Variants in LMO7 observed in about 807,000 individuals in gnomAD.
The protein encoded by LMO7 is LIM domain 7, also known as LIM domain only protein 7.
Under a neutral mutation model 206.5 loss-of-function variants are expected in LMO7, and 120 were observed. The observed-to-expected ratio is 0.58, with a 90% confidence interval of 0.50 to 0.68. The LOEUF (loss-of-function observed/expected upper bound fraction) is 0.68, where lower values mean the gene tolerates loss of function less well. Ranked by LOEUF, LMO7 falls within the 30% of genes least tolerant of loss-of-function variation. The probability of loss-of-function intolerance (pLI) is 0.00; values close to 1 mark genes in which losing one functional copy is unlikely to be tolerated. For synonymous variants in LMO7, 706 were observed against 681.5 expected, an observed-to-expected ratio of 1.04 and a Z score of -0.56; for missense variants, 1,959 against 1,957.9, an observed-to-expected ratio of 1.00 and a Z score of -0.01.
intron 1 of LMO7, among the ~76,000 whole-genome samples, chr13:75,652,912 ATAAAC>A: frequency 6.6e-6 from 1 of 152,164 alleles, no homozygotes; most frequent in Non-Finnish European, 1.5e-5. Context: ...CATAAGAAAG[ATAAAC>A]TAAACCACAG....
At chr13:75,670,944 C>CT (rs950573992) in intron 1 of LMO7, among the ~76,000 whole-genome samples, 17 of 116,906 alleles carry the variant, frequency 1.5e-4, no homozygotes, top group Admixed American at 8.3e-4. Flanking sequence ...TATTCTATAC[C>CT]TTTTTTTTTT....
chr13:75,713,281 T>C lies in LMO7; in HGVS notation c.140+29T>C, dbSNP rs760894622. 3 of 1,539,512 alleles carry C rather than the reference T, an allele frequency of 1.9e-6. No individual in the cohort carries two copies. In the Admixed American group the frequency reaches 5.3e-5, roughly 27 times the overall value. ...AGTATTTAAAGTATTTAAAAAATAATTCAAAAGCAAAGATATGTGTGTGTG... is the reference window on the plus strand; with the variant it reads ...AGTATTTAAAGTATTTAAAAAATAACTCAAAAGCAAAGATATGTGTGTGTG... On this transcript the variant is annotated intron_variant, in intron 2 of 30. Coordinates refer to ENST00000377534, the MANE Select transcript of LMO7 (RefSeq NM_001306080.2).
chr13:75,720,735 T>C (rs1424732152), intron 2 of LMO7, among the ~76,000 whole-genome samples: 1 of 152,206 alleles, frequency 6.6e-6, no homozygotes, highest in Non-Finnish European at 1.5e-5. Context: ...TGACTATAAA[T>C]TACATTGGTA....
At chr13:75,677,099 T>C (rs2040077798) in intron 1 of LMO7, among the ~76,000 whole-genome samples, 1 of 152,218 alleles carries the variant, frequency 6.6e-6, no homozygotes, top group South Asian at 2.1e-4. Context: ...CACAATTTTG[T>C]TTAACTCAGA....
intron 1 of LMO7, among the ~76,000 whole-genome samples, chr13:75,709,397 A>G (rs2042904243): frequency 6.6e-6 from 1 of 152,034 alleles, no homozygotes; most frequent in Admixed American, 6.5e-5. Context: ...TGGTTGAACT[A>G]GTTTACAGTC....
At position 75,807,394 on chromosome 13, in the gene LMO7, A is replaced by G. The variant is rs2241915; in HGVS notation, c.1197-86A>G. The G allele has an allele frequency of 8.9e-3, 12,646 of 1,413,700 alleles. 579 individuals carry two copies. The East Asian group carries it at 0.13, about 15-fold the overall frequency. The allele number at this position is 1,413,700 out of a possible 1,614,324, so 87.6% of individuals were successfully genotyped here. A position where few individuals can be genotyped will look rare whatever the true frequency, so the allele number is the denominator to read the frequency against. On this transcript the variant is annotated intron_variant, in intron 9 of 30. Transcript: ENST00000377534. Reference sequence around the variant, plus strand: ...CAGTAACTGGCTAGTTGGTCTGCTAATCACCTTTGGCTAGTCGATCTGCTA... The same window carrying G: ...CAGTAACTGGCTAGTTGGTCTGCTAGTCACCTTTGGCTAGTCGATCTGCTA...
At position 75,807,876 on chromosome 13, in the gene LMO7, G is replaced by C. The variant is rs773892024; in HGVS notation, c.1593G>C (p.Leu531=). Residue 531 remains leucine, a synonymous_variant, in exon 10 of 31, where the codon CTG becomes CTC. Coordinates refer to ENST00000377534, the MANE Select transcript of LMO7 (RefSeq NM_001306080.2). The part of the protein sequence containing the change: ...RIPAQKKEVP[L]SGAPDRYHPV... ...CAGCACAGAAGAAAGAAGTGCCGCT[G>C]TCTGGGGCCCCAGATAGATACCACC... is the stretch of plus-strand genomic sequence containing the variant. 1.2e-6 allele frequency: 2 copies of C among 1,613,946 alleles called. No homozygotes were observed. Among genetic ancestry groups the C allele is most frequent in the Admixed American group, 1.7e-5 (1 of 60,028 alleles).
chr13:75,710,872 G>C (rs1300755273), intron 1 of LMO7, among the ~76,000 whole-genome samples: 2 of 151,740 alleles, frequency 1.3e-5, no homozygotes, highest in Non-Finnish European at 2.9e-5. Flanking sequence ...TCCCAGTCTT[G>C]TGCCAGTTTT....
chr13:75,766,338 T>C (rs559214754), intron 4 of LMO7, among the ~76,000 whole-genome samples: 27 of 151,956 alleles, frequency 1.8e-4, no homozygotes, highest in African/African-American at 6.5e-4. Flanking sequence ...ATTTAAGTGA[T>C]TATTTGTGTG....
chr13:75,801,892 G>A (rs1235664495), intron 7 of LMO7, among the ~76,000 whole-genome samples: 2 of 152,134 alleles, frequency 1.3e-5, no homozygotes, highest in Admixed American at 1.3e-4. Context: ...GAACACACAT[G>A]TATTCGCTGC....
chr13:75,666,911 T>C (rs1160007790), intron 1 of LMO7, among the ~76,000 whole-genome samples: 2 of 152,128 alleles, frequency 1.3e-5, no homozygotes, highest in African/African-American at 4.8e-5. Context: ...AGTTGCTACT[T>C]GTTGGGAGAG....
At chr13:75,767,213 C>T (rs1400154365) in intron 4 of LMO7, among the ~76,000 whole-genome samples, 2 of 152,060 alleles carry the variant, frequency 1.3e-5, no homozygotes, top group Non-Finnish European at 2.9e-5. Flanking sequence ...GCTTAACTGA[C>T]ATTTAAATAA....
At chr13:75,792,378 G>C (rs1265896164) in intron 4 of LMO7, among the ~76,000 whole-genome samples, 2 of 152,170 alleles carry the variant, frequency 1.3e-5, no homozygotes, top group African/African-American at 4.8e-5. Flanking sequence ...TGAGAGTCAA[G>C]TAAATTACCA....
chr13:75,690,228 T>C (rs7331527), intron 1 of LMO7, among the ~76,000 whole-genome samples: 70,543 of 151,848 alleles, frequency 0.46, 18,238 homozygotes, highest in East Asian at 0.68. Context: ...GGCCTCCACA[T>C]AGCCTGAGCC....
At chr13:75,647,955 T>TTTTTTTC (rs1555286949) in intron 1 of LMO7, among the ~76,000 whole-genome samples, 1 of 78,174 alleles carries the variant, frequency 1.3e-5, no homozygotes, top group East Asian at 3.0e-4. Context: ...TTCTTTCTTT[T>TTTTTTTC]TTTTTTTTTT....
At chr13:75,758,903 T>C (rs1230069112) in intron 3 of LMO7, among the ~76,000 whole-genome samples, 3 of 152,194 alleles carry the variant, frequency 2.0e-5, no homozygotes, top group Admixed American at 1.3e-4. Flanking sequence ...TTTATTGATA[T>C]GAGACTTGCA....
chr13:75,803,866 A>G (rs1362184693), intron 7 of LMO7, among the ~76,000 whole-genome samples: 2 of 151,346 alleles, frequency 1.3e-5, no homozygotes, highest in East Asian at 1.9e-4. Context: ...CTCCTCACAT[A>G]TATTATAGAT....
intron 1 of LMO7, among the ~76,000 whole-genome samples, chr13:75,651,741 T>A (rs1594068668): frequency 1.3e-5 from 2 of 152,350 alleles, no homozygotes; most frequent in Admixed American, 1.3e-4. Flanking sequence ...AAGCTTATGA[T>A]GTGGCCAGTG....
Position 75,821,552 on chromosome 13 carries a change from A to T in LMO7, c.2583A>T (p.Thr861=), listed in dbSNP as rs2057571095. 7.4e-6 allele frequency: 12 copies of T among 1,613,922 alleles called. No individual in the cohort carries two copies. Among genetic ancestry groups the T allele is most frequent in the Admixed American group, 1.7e-5 (1 of 59,994 alleles). Residue 861 remains threonine (T), a synonymous_variant, in exon 14 of 31, where the codon ACA becomes ACT. Coordinates refer to ENST00000377534, the MANE Select transcript of LMO7 (RefSeq NM_001306080.2). The part of the protein sequence containing the change: ...TDTVRLTSVV[T]PRPFGSQTRG... The stretch of plus-strand genomic sequence containing the variant: ...CAGTCAGGTTAACATCTGTGGTCAC[A>T]CCAAGACCCTTTGGCTCTCAGACAA...
Sources: allele counts gnomAD v4.1 joint callset (sites outside exome capture counted in the v4.1 genomes callset), GRCh38; gene constraint gnomAD v4.1.1; transcripts MANE v1.5; gene names NCBI Gene and HGNC (gene_info 2026-07-23, HGNC 2026-07-21).